The following GUCY1A2 variants were observed in gnomAD, a reference collection of about 807,000 sequenced individuals.
GUCY1A2 encodes guanylate cyclase 1 soluble subunit alpha 2.
Under a neutral mutation model 63.5 loss-of-function variants are expected in GUCY1A2, and 27 were observed. The observed-to-expected ratio is 0.43, with a 90% CI of 0.31 to 0.59. The LOEUF (loss-of-function observed/expected upper bound fraction) is 0.59, where lower values mean the gene tolerates loss of function less well. Ranked by LOEUF, GUCY1A2 falls within the 20% of genes least tolerant of loss-of-function variation. The pLI, the probability that GUCY1A2 is intolerant of heterozygous loss-of-function variation, is 0.11. For synonymous variants in GUCY1A2, 364 were observed against 343.5 expected (o/e 1.06, Z -0.66); for missense variants, 768 against 913.3 (o/e 0.84, Z 2.05).
chr11:107,007,988 A>G (rs1861694619), intron 1 of GUCY1A2, among the ~76,000 whole-genome samples: 1 of 149,864 alleles, frequency 6.7e-6, no homozygotes, highest in Non-Finnish European at 1.5e-5. Context: ...ATTTTAAGAT[A>G]ATCATACTAT....
chr11:106,972,431 C>T (rs927920727), intron 3 of GUCY1A2, among the ~76,000 whole-genome samples: 2 of 151,954 alleles, frequency 1.3e-5, no homozygotes, highest in African/African-American at 4.8e-5. Flanking sequence ...GAAAAGAGAA[C>T]AAAAGACAAC....
chr11:106,943,024 T>C (rs1044835066), intron 3 of GUCY1A2, among the ~76,000 whole-genome samples: 6 of 152,224 alleles, frequency 3.9e-5, no homozygotes, highest in Non-Finnish European at 7.3e-5. Context: ...TTCAATTAAC[T>C]AATAAAGATT....
chr11:106,725,232 G>A (rs1863386717), intron 6 of GUCY1A2, among the ~76,000 whole-genome samples: 1 of 40,908 alleles, frequency 2.4e-5, no homozygotes, highest in South Asian at 8.3e-4. Context: ...GAGTGCAGTG[G>A]CGGGATCTCG....
At chr11:106,751,867 T>TA (rs1256896419) in intron 6 of GUCY1A2, among the ~76,000 whole-genome samples, 4 of 152,182 alleles carry the variant, frequency 2.6e-5, no homozygotes, top group Non-Finnish European at 5.9e-5. Flanking sequence ...TATCAGGATA[T>TA]AATTTTCCAT....
chr11:106,720,581 AC>A (rs1216656746), intron 6 of GUCY1A2, among the ~76,000 whole-genome samples: 1 of 152,200 alleles, frequency 6.6e-6, no homozygotes, highest in African/African-American at 2.4e-5. Context: ...GTTTATACAA[AC>A]CCCTATAAAA....
rs1341758126 is a variant in GUCY1A2, at chr11:106,861,565, T to G, written c.1207-51087A>C. Among the ~76,000 whole-genome samples the G allele has an allele frequency of 2.0e-5, 3 of 152,032 alleles. No individual in the cohort carries two copies. The South Asian group carries it at 6.2e-4, about 31-fold the overall frequency. On this transcript the variant is annotated intron_variant, in intron 4 of 7. Coordinates refer to ENST00000526355, the MANE Select transcript of GUCY1A2 (RefSeq NM_000855.3). Reference sequence around the variant, plus strand: ...TTGGGGCTCTATCACTAAGAGTCATTACAGCTATGGTTAGCAAGTTAAAGG... The same window carrying G: ...TTGGGGCTCTATCACTAAGAGTCATGACAGCTATGGTTAGCAAGTTAAAGG...
chr11:106,896,391 A>C (rs1860049810), intron 4 of GUCY1A2, among the ~76,000 whole-genome samples: 1 of 152,196 alleles, frequency 6.6e-6, no homozygotes, highest in African/African-American at 2.4e-5. Flanking sequence ...TTTCCCACTA[A>C]GATGAGGAGC....
At chr11:106,746,462 A>T in intron 6 of GUCY1A2, 2 of 646,900 alleles carry the variant, frequency 3.1e-6, no homozygotes, top group Non-Finnish European at 5.3e-6. Flanking sequence ...GAATAAATGA[A>T]TAAGGATTAT....
intron 5 of GUCY1A2, among the ~76,000 whole-genome samples, chr11:106,804,943 A>G (rs954426505): frequency 6.6e-6 from 1 of 152,028 alleles, no homozygotes; most frequent in Admixed American, 6.6e-5. Flanking sequence ...GTGAGCCTGG[A>G]TTTCCTACTT....
At chr11:106,856,354 G>GC (rs1322542831) in intron 4 of GUCY1A2, among the ~76,000 whole-genome samples, 1 of 152,010 alleles carries the variant, frequency 6.6e-6, no homozygotes, top group Non-Finnish European at 1.5e-5. Context: ...CAAAGCCTGG[G>GC]CATTTTGTTT....
chr11:106,915,746 A>C, intron 4 of GUCY1A2, among the ~76,000 whole-genome samples: 1 of 144,928 alleles, frequency 6.9e-6, no homozygotes, highest in South Asian at 2.4e-4. Context: ...AACCAAGTGA[A>C]AAAGAACTAT....
intron 1 of GUCY1A2, among the ~76,000 whole-genome samples, chr11:106,997,228 T>C (rs1212533624): frequency 6.6e-6 from 1 of 152,200 alleles, no homozygotes; most frequent in Non-Finnish European, 1.5e-5. Context: ...TATACCCTTA[T>C]GCATGTAACT....
intron 7 of GUCY1A2, among the ~76,000 whole-genome samples, chr11:106,693,461 C>A (rs898510271): frequency 6.6e-6 from 1 of 151,990 alleles, no homozygotes; most frequent in African/African-American, 2.4e-5. Context: ...TGGCTAAGTG[C>A]ATCTTTTTTA....
rs1295878538 is a variant in GUCY1A2 at position 106,970,354 on chromosome 11, G to A, written c.487+8265C>T. ...GAGAAAGAGTCTACCTATTACAGTA[G>A]TATCATGGGCAATCATTGCTATCAC... On this transcript the variant is annotated intron_variant, in intron 3 of 7. Transcript: ENST00000526355. 2.0e-5 allele frequency among the ~76,000 whole-genome samples: 3 copies of A among 152,112 alleles called. No homozygotes were observed. The East Asian group carries it at 5.8e-4, about 29-fold the overall frequency.
At chr11:106,867,320 T>C (rs1002737119) in intron 4 of GUCY1A2, among the ~76,000 whole-genome samples, 3 of 152,114 alleles carry the variant, frequency 2.0e-5, no homozygotes, top group African/African-American at 7.2e-5. Flanking sequence ...TCTTATTTTC[T>C]ACCATTCTGA....
At chr11:106,748,664 A>AAAACT (rs1189223621) in intron 6 of GUCY1A2, among the ~76,000 whole-genome samples, 1 of 152,224 alleles carries the variant, frequency 6.6e-6, no homozygotes, top group Admixed American at 6.5e-5. Flanking sequence ...TCTTGACCTT[A>AAAACT]AAACTATGAC....
At chr11:106,885,153 T>C (rs542704772) in intron 4 of GUCY1A2, among the ~76,000 whole-genome samples, 12 of 152,318 alleles carry the variant, frequency 7.9e-5, no homozygotes, top group Middle Eastern at 3.4e-3. Context: ...TGCTTCATTT[T>C]GCCTTTATGG....
chr11:106,710,177 A>T (rs1397208270), intron 6 of GUCY1A2, among the ~76,000 whole-genome samples: 1 of 84,660 alleles, frequency 1.2e-5, no homozygotes, highest in African/African-American at 5.0e-5. Flanking sequence ...TATATAATAT[A>T]GTTATATATA....
intron 1 of GUCY1A2, among the ~76,000 whole-genome samples, chr11:107,010,461 G>A (rs1265341207): frequency 6.6e-6 from 1 of 152,072 alleles, no homozygotes; most frequent in Non-Finnish European, 1.5e-5. Flanking sequence ...TTATATAAAT[G>A]GACGACTCAA....
Sources: gnomAD v4.1 joint callset for allele counts (sites outside exome capture counted in the v4.1 genomes callset) on GRCh38, gnomAD v4.1.1 for gene constraint, MANE v1.5 for transcripts, NCBI Gene and HGNC (gene_info 2026-07-23, HGNC 2026-07-21) for gene names.